Variants in PCCA observed in about 807,000 individuals in gnomAD.
PCCA encodes propionyl-CoA carboxylase alpha chain, mitochondrial.
PCCA carries 74 observed loss-of-function variants against 101.3 expected under a neutral mutation model. That is an observed-to-expected ratio of 0.73 (90% confidence interval 0.61 to 0.89). PCCA has a LOEUF of 0.89. Ranked by LOEUF, PCCA falls within the 40% of genes least tolerant of loss-of-function variation. The pLI, the probability that PCCA is intolerant of heterozygous loss-of-function variation, is 0.00. For synonymous variants in PCCA, 294 were observed against 313.6 expected (o/e 0.94, Z 0.66); for missense variants, 891 against 907.0 (o/e 0.98, Z 0.23).
At chr13:100,242,467 A>G (rs1399726910) in intron 8 of PCCA, among the ~76,000 whole-genome samples, 1 of 152,232 alleles carries the variant, frequency 6.6e-6, no homozygotes, top group Non-Finnish European at 1.5e-5. Context: ...AGCACACTAT[A>G]AGTAATGGAT....
At chr13:100,477,548 G>GCAGGTGAGAGAC (rs2083509284) in intron 21 of PCCA, 2 of 152,170 alleles carry the variant, frequency 1.3e-5, no homozygotes, top group Non-Finnish European at 2.9e-5. Context: ...GCGGCTTTAG[G>GCAGGTGAGAGAC]GGCAAGGCAG....
chr13:100,452,126 T>C (rs2081368265), intron 21 of PCCA, among the ~76,000 whole-genome samples: 1 of 129,120 alleles, frequency 7.7e-6, no homozygotes, highest in African/African-American at 3.1e-5. Context: ...CTCTTCTTCC[T>C]CTCCCTCTCT....
intron 7 of PCCA, 29 bp downstream of exon 7, chr13:100,209,492 T>G: frequency 6.3e-7 from 1 of 1,594,050 alleles, no homozygotes; most frequent in Non-Finnish European, 8.6e-7. Context: ...TTTTATTGTA[T>G]ATGTCTTCAA....
At chr13:100,120,406 T>G (rs2152300107) in intron 4 of PCCA, among the ~76,000 whole-genome samples, 1 of 152,238 alleles carries the variant, frequency 6.6e-6, no homozygotes, top group African/African-American at 2.4e-5. Flanking sequence ...TGAAGGATGT[T>G]TGTTATATTT....
chr13:100,387,535 G>C (rs1181891845), intron 19 of PCCA, among the ~76,000 whole-genome samples: 2 of 152,154 alleles, frequency 1.3e-5, no homozygotes, highest in South Asian at 4.1e-4. Context: ...AAAGTAACCT[G>C]ATGTACCAAT....
At chr13:100,386,910 A>T (rs925377337) in intron 19 of PCCA, among the ~76,000 whole-genome samples, 1 of 152,160 alleles carries the variant, frequency 6.6e-6, no homozygotes, top group Non-Finnish European at 1.5e-5. Context: ...TTTGAACCCT[A>T]CATGTGTATT....
At chr13:100,200,874 A>G (rs943360533) in intron 6 of PCCA, among the ~76,000 whole-genome samples, 2 of 152,152 alleles carry the variant, frequency 1.3e-5, no homozygotes, top group African/African-American at 2.4e-5. Context: ...TCCTGTGTTC[A>G]TAGCAATATT....
At chr13:100,397,738 G>C (rs956132732) in intron 19 of PCCA, among the ~76,000 whole-genome samples, 1 of 152,092 alleles carries the variant, frequency 6.6e-6, no homozygotes, top group Non-Finnish European at 1.5e-5. Context: ...GCGTGGTAAT[G>C]GGTTTATGCT....
intron 21 of PCCA, among the ~76,000 whole-genome samples, chr13:100,505,105 G>T (rs1594050333): frequency 6.6e-6 from 1 of 152,216 alleles, no homozygotes; most frequent in East Asian, 1.9e-4. Flanking sequence ...CTGCCTCGCA[G>T]CCTGGAGATT....
At chr13:100,427,806 A>T (rs1567119304) in intron 20 of PCCA, among the ~76,000 whole-genome samples, 1 of 152,074 alleles carries the variant, frequency 6.6e-6, no homozygotes, top group Non-Finnish European at 1.5e-5. Context: ...TGTAGGCATT[A>T]GCATTATATC....
rs540385453 is a variant in PCCA, at chr13:100,167,764, G to A, written c.468+10424G>A. Among the ~76,000 whole-genome samples, 13 of 152,138 alleles carry A rather than the reference G, an allele frequency of 8.5e-5. No individual in the cohort carries two copies. The South Asian group carries it at 2.7e-3, about 32-fold the overall frequency. Reference sequence around the variant, plus strand: ...AGTTTGCTATACAATCTCTTGAAGAGGTTATCCCTTCCTCTTTGAATTGCC... The same window carrying A: ...AGTTTGCTATACAATCTCTTGAAGAAGTTATCCCTTCCTCTTTGAATTGCC... On this transcript the variant is annotated intron_variant, in intron 6 of 23. Transcript: ENST00000376285.
intron 7 of PCCA, among the ~76,000 whole-genome samples, chr13:100,233,387 C>T (rs1283243247): frequency 6.6e-6 from 1 of 152,064 alleles, no homozygotes; most frequent in Non-Finnish European, 1.5e-5. Flanking sequence ...AACTGTTTTT[C>T]TGTGAGCTTT....
intron 10 of PCCA, among the ~76,000 whole-genome samples, chr13:100,266,432 C>T (rs2062938088): frequency 6.6e-6 from 1 of 152,158 alleles, no homozygotes; most frequent in Non-Finnish European, 1.5e-5. Context: ...CAGATGTTCT[C>T]ATATCTCATC....
At chr13:100,170,400 A>C (rs558098602) in intron 6 of PCCA, among the ~76,000 whole-genome samples, 2 of 152,224 alleles carry the variant, frequency 1.3e-5, no homozygotes, top group African/African-American at 4.8e-5. Context: ...TTTTAAATGC[A>C]TGCTTTCTAA....
intron 18 of PCCA, among the ~76,000 whole-genome samples, chr13:100,363,174 A>G (rs757609032): frequency 1.3e-5 from 2 of 152,072 alleles, no homozygotes; most frequent in African/African-American, 4.8e-5. Flanking sequence ...CTCCATCTCA[A>G]CGTTCTAAAA....
intron 22 of PCCA, among the ~76,000 whole-genome samples, chr13:100,521,678 C>G (rs575351225): frequency 1.3e-5 from 2 of 152,134 alleles, no homozygotes. Context: ...TCTGAGATGC[C>G]TTTTTTTGTG....
In PCCA at chr13:100,527,693, A is replaced by G; in HGVS notation, c.2059A>G (p.Ile687Val). Reference sequence around the variant, plus strand: ...TTTCCAGGTAGCAGAAGGTCAAGAAATTTGTGTGATTGAAGCCATGAAAAT... The same window carrying G: ...TTTCCAGGTAGCAGAAGGTCAAGAAGTTTGTGTGATTGAAGCCATGAAAAT... ...PGDAVAEGQE[I>V]CVIEAMKMQN... is the part of the protein sequence containing the mutation. The change falls in exon 23 of 24, where the codon ATT (isoleucine) becomes GTT (valine). Residue 687 changes from isoleucine (I) to valine (V), a missense_variant. By Grantham distance (29) the Ile-to-Val change is conservative. Coordinates refer to ENST00000376285, the MANE Select transcript of PCCA (RefSeq NM_000282.4). 6.2e-7 allele frequency: 1 copy of G among 1,613,988 alleles called. No individual in the cohort carries two copies. The highest frequency in any genetic ancestry group is 8.5e-7 in the Non-Finnish European group (1 of 1,179,862).
intron 8 of PCCA, among the ~76,000 whole-genome samples, chr13:100,241,115 T>C (rs1029182713): frequency 3.9e-5 from 6 of 152,154 alleles, no homozygotes; most frequent in African/African-American, 1.4e-4. Context: ...ACTATACAAT[T>C]CAGCCTTTCA....
At chr13:100,519,838 G>A (rs953326320) in intron 22 of PCCA, among the ~76,000 whole-genome samples, 4 of 152,224 alleles carry the variant, frequency 2.6e-5, no homozygotes, top group East Asian at 1.9e-4. Context: ...GCCTGGCATC[G>A]CGCTTGTGTG....
Sources: allele counts gnomAD v4.1 joint callset (sites outside exome capture counted in the v4.1 genomes callset), GRCh38; gene constraint gnomAD v4.1.1; transcripts MANE v1.5; gene names NCBI Gene and HGNC (gene_info 2026-07-23, HGNC 2026-07-21).